Variants in ZFP90 observed in about 807,000 individuals in gnomAD.
ZFP90 encodes the protein ZFP90 zinc finger protein.
ZFP90 carries 38 observed loss-of-function variants against 60.8 expected under a neutral mutation model. That is an observed-to-expected ratio of 0.62 (90% CI 0.48 to 0.82). The LOEUF (loss-of-function observed/expected upper bound fraction) is 0.82. Among genes scored for constraint, ZFP90 ranks in the 40% least tolerant of loss-of-function variants. ZFP90 has a pLI of 0.00. For missense variants in ZFP90, 711 were observed against 759.1 expected, an observed-to-expected ratio of 0.94 and a Z score of 0.74; for synonymous variants, 287 against 264.8, an observed-to-expected ratio of 1.08 and a Z score of -0.82.
chr16:68,534,374 G>A (rs868603825), upstream of ZFP90, among the ~76,000 whole-genome samples: 3 of 150,838 alleles, frequency 2.0e-5, no homozygotes, highest in Admixed American at 6.6e-5. Context: ...GACTACAGGC[G>A]CATGCCACCA....
downstream of ZFP90, among the ~76,000 whole-genome samples, chr16:68,568,640 A>G (rs1195352545): frequency 6.6e-6 from 1 of 152,220 alleles, no homozygotes; most frequent in Non-Finnish European, 1.5e-5. Context: ...AAATATGAAC[A>G]CAACAGAAAT....
chr16:68,551,415 C>CTTTTTTTTTTTTTTTTTTTTTT lies in ZFP90; in HGVS notation c.34-6581_34-6560dup, dbSNP rs10538200. On this transcript the variant is annotated intron_variant, in intron 2 of 4. Coordinates refer to ENST00000563169, the MANE Select transcript of ZFP90 (RefSeq NM_001305203.2). ...GCATAAGGAAAGGGAACATGTGATC[C>CTTTTTTTTTTTTTTTTTTTTTT]TTTTTTTTTTTTTTTTTTTTTTTGG... Among the ~76,000 whole-genome samples, 2 of 123,024 alleles carry CTTTTTTTTTTTTTTTTTTTTTT rather than the reference C, an allele frequency of 1.6e-5. 1 individual carries two copies. Among genetic ancestry groups the CTTTTTTTTTTTTTTTTTTTTTT allele is most frequent in the African/African-American group, 6.3e-5 (2 of 31,684 alleles). 80.7% of individuals were successfully genotyped at this position (123,024 alleles called of 152,430 possible).
chr16:68,543,960 C>T lies in ZFP90; in HGVS notation c.33+4135C>T, dbSNP rs1451979404. Among the ~76,000 whole-genome samples the T allele has an allele frequency of 2.0e-5, 3 of 149,428 alleles. No homozygotes were observed. In the South Asian group the frequency reaches 6.4e-4, roughly 32 times the overall value. On this transcript the variant is annotated intron_variant, in intron 2 of 4. Transcript: ENST00000563169. ...CTCTGCCTCCCAGGTTCAAGCAATTCTCCTGCCTCAGCCTCCCAAGTAGCT... is the reference window on the plus strand; with the variant it reads ...CTCTGCCTCCCAGGTTCAAGCAATTTTCCTGCCTCAGCCTCCCAAGTAGCT...
At chr16:68,560,260 G>A (rs562304533) in intron 4 of ZFP90, among the ~76,000 whole-genome samples, 1 of 152,104 alleles carries the variant, frequency 6.6e-6, no homozygotes, top group Admixed American at 6.6e-5. Context: ...AGCAAGAAAT[G>A]TCATACCCAT....
At chr16:68,535,764 A>G (rs1469093726), upstream of ZFP90, 1 of 152,084 alleles carries the variant, frequency 6.6e-6, no homozygotes, top group Non-Finnish European at 1.5e-5. Flanking sequence ...CTCTAAGTTT[A>G]TTCATTTTGT....
At chr16:68,549,099 T>C (rs1012424852) in intron 2 of ZFP90, among the ~76,000 whole-genome samples, 1 of 152,156 alleles carries the variant, frequency 6.6e-6, no homozygotes, top group Non-Finnish European at 1.5e-5. Context: ...ACCAGGGTCA[T>C]GCTTCAGAAC....
At chr16:68,534,523 C>T (rs369237044), upstream of ZFP90, among the ~76,000 whole-genome samples, 35 of 151,548 alleles carry the variant, frequency 2.3e-4, no homozygotes, top group East Asian at 6.4e-3. Flanking sequence ...CCACTGCGCC[C>T]GGCCATTTTT....
At chr16:68,545,747 G>A (rs1216508850) in intron 2 of ZFP90, among the ~76,000 whole-genome samples, 1 of 152,170 alleles carries the variant, frequency 6.6e-6, no homozygotes, top group African/African-American at 2.4e-5. Context: ...CCTGGGAGGC[G>A]GAGCTTTTAG....
Position 68,565,571 on chromosome 16 carries a change from C to G in ZFP90, c.*873C>G, listed in dbSNP as rs2091512768. ...CTTTTCCCAGTTACAATTATACTTT[C>G]AGCTAACATATGCCAGTTTCACAGA... On this transcript the variant is annotated 3_prime_UTR_variant, in exon 5 of 5. Transcript: ENST00000563169. 2.0e-5 allele frequency: 20 copies of G among 985,570 alleles called. No individual in the cohort carries two copies. Among genetic ancestry groups the G allele is most frequent in the Non-Finnish European group, 2.4e-5 (20 of 829,928 alleles). The allele number at this position is 985,570 out of a possible 1,614,324, so 61.1% of individuals were successfully genotyped here.
At position 68,539,866 on chromosome 16, in the gene ZFP90, C is replaced by G. The variant is rs1279875872; in HGVS notation, c.33+41C>G. On this transcript the variant is annotated intron_variant, in intron 2 of 4. Coordinates refer to ENST00000563169, the MANE Select transcript of ZFP90 (RefSeq NM_001305203.2). ...CTAACCTCCTGGGCATCCCATCCAT[C>G]TATCCATCCCATCTCCCAAGGGTGT... is the stretch of plus-strand genomic sequence containing the variant. 1.9e-6 allele frequency: 3 copies of G among 1,596,944 alleles called. No homozygotes were observed. The African/African-American group carries it at 4.0e-5, about 21-fold the overall frequency.
exon 2 of ZFP90, chr16:68,533,758 C>T (rs1393599040): frequency 6.6e-6 from 1 of 152,150 alleles, no homozygotes; most frequent in African/African-American, 2.4e-5. Context: ...CTGCAACCTC[C>T]ACCTCCCAGG....
Position 68,566,086 on chromosome 16 carries a change from TCA to T in ZFP90, c.*1392_*1393del. The T allele has an allele frequency of 1.0e-6, 1 of 976,830 alleles. No individual in the cohort carries two copies. Among genetic ancestry groups the T allele is most frequent in the Non-Finnish European group, 1.2e-6 (1 of 822,152 alleles). The allele number at this position is 976,830 out of a possible 1,614,324, so 60.5% of individuals were successfully genotyped here. A position where few individuals can be genotyped will look rare whatever the true frequency, so the allele number is the denominator to read the frequency against. On this transcript the variant is annotated 3_prime_UTR_variant, in exon 5 of 5. Coordinates refer to ENST00000563169, the MANE Select transcript of ZFP90 (RefSeq NM_001305203.2). ...GAGCAGAGACTGCAGTGAGCTGAGA[TCA>T]CACTACTGCATTCCAGCCTGAGCAA...
intron 2 of ZFP90, among the ~76,000 whole-genome samples, chr16:68,543,919 G>A (rs1025892841): frequency 5.3e-5 from 7 of 132,454 alleles, no homozygotes; most frequent in African/African-American, 1.7e-4. Flanking sequence ...AGTGTGCAAT[G>A]TTGTCTCGCT....
At chr16:68,554,552 G>A (rs2091313636) in intron 2 of ZFP90, among the ~76,000 whole-genome samples, 1 of 152,246 alleles carries the variant, frequency 6.6e-6, no homozygotes, top group South Asian at 2.1e-4. Flanking sequence ...GAGGCCAGTG[G>A]TTGCCCTGTC....
Position 68,566,543 on chromosome 16 carries a change from G to T in ZFP90, c.*1845G>T. On this transcript the variant is annotated 3_prime_UTR_variant, in exon 5 of 5. Coordinates refer to ENST00000563169, the MANE Select transcript of ZFP90 (RefSeq NM_001305203.2). ...GCATGGGGGCTGAAATGTAATATGTGTAGCTCAATTAGTCTCTCCTCTGTG... is the reference window on the plus strand; with the variant it reads ...GCATGGGGGCTGAAATGTAATATGTTTAGCTCAATTAGTCTCTCCTCTGTG... 1 of 985,540 alleles carries T rather than the reference G, an allele frequency of 1.0e-6. No homozygotes were observed. The highest frequency in any genetic ancestry group is 1.2e-6 in the Non-Finnish European group (1 of 829,936). The allele number at this position is 985,540 out of a possible 1,614,324, so 61.0% of individuals were successfully genotyped here. A position where few individuals can be genotyped will look rare whatever the true frequency, so the allele number is the denominator to read the frequency against.
At chr16:68,550,053 A>G (rs2091231990) in intron 2 of ZFP90, among the ~76,000 whole-genome samples, 1 of 152,176 alleles carries the variant, frequency 6.6e-6, no homozygotes, top group South Asian at 2.1e-4. Flanking sequence ...GTGCCAAAGA[A>G]ATACACATTC....
rs1253994060 is a variant in ZFP90, at chr16:68,565,844, G to GC, written c.*1147dup. 1.0e-6 allele frequency: 1 copy of GC among 985,200 alleles called. No homozygotes were observed. The highest frequency in any genetic ancestry group is 1.7e-5 in the African/African-American group (1 of 57,206). 61.0% of individuals were successfully genotyped at this position (985,200 alleles called of 1,614,324 possible). On this transcript the variant is annotated 3_prime_UTR_variant, in exon 5 of 5. Transcript: ENST00000563169. ...TTTCACCATTAAAAAAATTAACTTG[G>GC]CTAGGTATGGTGTCTCACACCTGTA...
downstream of ZFP90, among the ~76,000 whole-genome samples, chr16:68,569,916 C>A (rs911120054): frequency 1.8e-4 from 27 of 152,032 alleles, no homozygotes; most frequent in Non-Finnish European, 8.8e-5. Flanking sequence ...GTATTAGATC[C>A]CATCCTTAAA....
rs754342889 is a variant in ZFP90, at chr16:68,539,801, G to A, written c.9G>A (p.Pro3=). MA[P]RPPTAAPQES... ...GCCCTGGCGAGGCAGGAATGGCCCC[G>A]AGGCCTCCGACCGCCGCGCCCCAGG... Residue 3 remains proline (P), a synonymous_variant, in exon 2 of 5, where the codon CCG becomes CCA. Coordinates refer to ENST00000563169, the MANE Select transcript of ZFP90 (RefSeq NM_001305203.2). 3.1e-6 allele frequency: 5 copies of A among 1,603,480 alleles called. No individual in the cohort carries two copies. Among genetic ancestry groups the A allele is most frequent in the Admixed American group, 3.4e-5 (2 of 58,996 alleles).
Sources: allele counts gnomAD v4.1 joint callset (sites outside exome capture counted in the v4.1 genomes callset), GRCh38; gene constraint gnomAD v4.1.1; transcripts MANE v1.5; gene names NCBI Gene and HGNC (gene_info 2026-07-23, HGNC 2026-07-21).